Variants in FOXN3 observed in about 807,000 individuals in gnomAD.
FOXN3 encodes forkhead box N3, also known as forkhead box protein N3.
A neutral mutation model predicts 38.4 loss-of-function variants in FOXN3; 7 were observed. The observed-to-expected ratio is 0.18, with a 90% CI of 0.10 to 0.34. FOXN3 has a LOEUF of 0.34. Among genes scored for constraint, FOXN3 ranks in the 10% least tolerant of loss-of-function variants. The probability of loss-of-function intolerance (pLI) is 1.00; values close to 1 mark genes in which losing one functional copy is unlikely to be tolerated. For missense variants in FOXN3, 456 were observed against 613.4 expected (o/e 0.74, Z 2.71); for synonymous variants, 230 against 242.2 (o/e 0.95, Z 0.47).
At chr14:89,300,176 T>C (rs1044987047) in intron 3 of FOXN3, among the ~76,000 whole-genome samples, 21 of 145,072 alleles carry the variant, frequency 1.4e-4, no homozygotes, top group African/African-American at 5.2e-4. Flanking sequence ...GATCAAGAAA[T>C]GTACTTTTTT....
In FOXN3 at chr14:89,207,754, AC is replaced by A. The variant is rs1272865226; in HGVS notation, c.746-26949del. 3.3e-5 allele frequency among the ~76,000 whole-genome samples: 5 copies of A among 152,182 alleles called. No homozygotes were observed. The East Asian group carries it at 9.6e-4, about 29-fold the overall frequency. On this transcript the variant is annotated intron_variant, in intron 4 of 5. Transcript: ENST00000557258. ...ACGTACTGTACCAGATGTGGAATGT[AC>A]CCTTTGTCAACAAAGACAGGGCCCA...
chr14:89,281,976 GCA>G (rs1373711184), intron 3 of FOXN3, among the ~76,000 whole-genome samples: 2 of 152,080 alleles, frequency 1.3e-5, no homozygotes, highest in African/African-American at 2.4e-5. Context: ...AAACACACAC[GCA>G]CACACACAGA....
At chr14:89,618,041 T>C (rs1566720014) in intron 1 of FOXN3, among the ~76,000 whole-genome samples, 1 of 152,210 alleles carries the variant, frequency 6.6e-6, no homozygotes, top group African/African-American at 2.4e-5. Flanking sequence ...ACAGGATGTC[T>C]TCCTTAGCTA....
At chr14:89,442,950 T>C (rs1325277691) in intron 1 of FOXN3, among the ~76,000 whole-genome samples, 1 of 152,242 alleles carries the variant, frequency 6.6e-6, no homozygotes, top group African/African-American at 2.4e-5. Context: ...GAACTATTTA[T>C]TCTCTGGCCC....
chr14:89,532,370 C>G (rs945916733), intron 1 of FOXN3, among the ~76,000 whole-genome samples: 21 of 152,166 alleles, frequency 1.4e-4, no homozygotes, highest in African/African-American at 4.6e-4. Context: ...CTTAAATACA[C>G]AAACATAGAA....
At chr14:89,184,851 T>A (rs1049352361) in intron 4 of FOXN3, among the ~76,000 whole-genome samples, 7 of 152,312 alleles carry the variant, frequency 4.6e-5, no homozygotes, top group African/African-American at 1.7e-4. Context: ...TCCAGCATCC[T>A]CTTACTAATG....
rs1277181510 is a variant in FOXN3, at chr14:89,181,497, C to T, written c.746-691G>A. On this transcript the variant is annotated intron_variant, in intron 4 of 5. Transcript: ENST00000557258. Reference sequence around the variant, plus strand: ...TCTCAGCACGCACCACACAGTTCATCCCCCCAGGCGATCCTCGTGGCCTGA... The same window carrying T: ...TCTCAGCACGCACCACACAGTTCATTCCCCCAGGCGATCCTCGTGGCCTGA... Among the ~76,000 whole-genome samples the T allele has an allele frequency of 3.3e-5, 5 of 152,328 alleles. No individual in the cohort carries two copies. The East Asian group carries it at 9.7e-4, about 29-fold the overall frequency.
At chr14:89,521,341 T>C (rs909096513) in intron 1 of FOXN3, among the ~76,000 whole-genome samples, 4 of 140,288 alleles carry the variant, frequency 2.9e-5, no homozygotes, top group African/African-American at 1.1e-4. Context: ...GAATGATGAA[T>C]CTTCATAGAT....
intron 3 of FOXN3, among the ~76,000 whole-genome samples, chr14:89,318,408 C>G (rs1596179642): frequency 6.6e-6 from 1 of 152,182 alleles, no homozygotes; most frequent in African/African-American, 2.4e-5. Flanking sequence ...ATCCACCCAT[C>G]TCAGCCTCCC....
At chr14:89,589,159 C>T (rs935567075) in intron 1 of FOXN3, among the ~76,000 whole-genome samples, 3 of 151,792 alleles carry the variant, frequency 2.0e-5, no homozygotes, top group African/African-American at 7.3e-5. Context: ...TAATAATTAA[C>T]CAGCACAGCT....
At chr14:89,489,983 C>A (rs1893540164) in intron 1 of FOXN3, among the ~76,000 whole-genome samples, 1 of 152,222 alleles carries the variant, frequency 6.6e-6, no homozygotes, top group African/African-American at 2.4e-5. Flanking sequence ...GATACAACTG[C>A]AGGCAGGAGT....
chr14:89,273,325 G>C (rs1440400407), intron 4 of FOXN3, among the ~76,000 whole-genome samples: 1 of 152,194 alleles, frequency 6.6e-6, no homozygotes, highest in African/African-American at 2.4e-5. Flanking sequence ...ACCTGGCCTG[G>C]AGGAAGCTCT....
At chr14:89,601,220 T>C (rs1441516811) in intron 1 of FOXN3, among the ~76,000 whole-genome samples, 2 of 152,242 alleles carry the variant, frequency 1.3e-5, no homozygotes, top group Non-Finnish European at 2.9e-5. Context: ...AGGATACCAC[T>C]TCCTATTCAT....
chr14:89,377,368 T>A (rs546220607), intron 2 of FOXN3, among the ~76,000 whole-genome samples: 2 of 152,058 alleles, frequency 1.3e-5, no homozygotes, highest in South Asian at 4.2e-4. Context: ...ACTGGAGAAA[T>A]CTGAATATGG....
In FOXN3 at chr14:89,484,014, T is replaced by C. The variant is rs898561530; in HGVS notation, c.-14-71524A>G. ...TTTGGTGCTGATTTATTCCAACATT[T>C]AGGTTAATCCAAGAAGTCTGGATGC... On this transcript the variant is annotated intron_variant, in intron 1 of 6. Transcript: ENST00000345097. This position sits in a 1 kb window ranked among gnomAD's most constrained non-coding sequence, Gnocchi z 4.0. Among the ~76,000 whole-genome samples the C allele has an allele frequency of 6.6e-6, 1 of 152,228 alleles. No homozygotes were observed. Among genetic ancestry groups the C allele is most frequent in the African/African-American group, 2.4e-5 (1 of 41,460 alleles).
At chr14:89,212,561 A>C (rs943894486) in intron 4 of FOXN3, among the ~76,000 whole-genome samples, 4 of 152,160 alleles carry the variant, frequency 2.6e-5, no homozygotes, top group Non-Finnish European at 5.9e-5. Context: ...CACAGCCATG[A>C]GGTGTGTTCC....
intron 1 of FOXN3, among the ~76,000 whole-genome samples, chr14:89,615,167 C>T (rs1416119683): frequency 8.6e-6 from 1 of 116,306 alleles, no homozygotes; most frequent in Non-Finnish European, 1.7e-5. Flanking sequence ...ATATACCTAA[C>T]GTGTATTCTT....
At chr14:89,204,079 ACACACACACACACACACAC>A (rs1888312029) in intron 4 of FOXN3, among the ~76,000 whole-genome samples, 1 of 148,536 alleles carries the variant, frequency 6.7e-6, no homozygotes, top group African/African-American at 2.4e-5. Context: ...ACACACACAC[ACACACACACACACACACAC>A]ACACAACTAC....
intron 2 of FOXN3, among the ~76,000 whole-genome samples, chr14:89,402,054 A>G (rs2140088377): frequency 6.6e-6 from 1 of 152,352 alleles, no homozygotes; most frequent in Non-Finnish European, 1.5e-5. Flanking sequence ...CTGTAATCTT[A>G]CATAGCAATC....
Sources: gnomAD v4.1 joint callset for allele counts (sites outside exome capture counted in the v4.1 genomes callset) on GRCh38, gnomAD v4.1.1 for gene constraint, Gnocchi (gnomAD v3.1) non-coding constraint, MANE v1.5 for transcripts, NCBI Gene and HGNC (gene_info 2026-07-23, HGNC 2026-07-21) for gene names.